Variants in CPEB3 observed in about 807,000 individuals in gnomAD.
The protein encoded by CPEB3 is cytoplasmic polyadenylation element binding protein 3.
In CPEB3, 20 loss-of-function variants were observed where a neutral mutation model predicts 67.2. The ratio of observed to expected loss-of-function variants is 0.30; its 90% CI spans 0.21 to 0.43. The LOEUF (loss-of-function observed/expected upper bound fraction) is 0.43, where lower values mean the gene tolerates loss of function less well. Among genes scored for constraint, CPEB3 ranks in the 20% least tolerant of loss-of-function variants. The probability of loss-of-function intolerance (pLI) is 1.00; values close to 1 mark genes in which losing one functional copy is unlikely to be tolerated. For synonymous variants in CPEB3, 376 were observed against 393.1 expected (o/e 0.96, Z 0.51); for missense variants, 746 against 968.6 (o/e 0.77, Z 3.05).
chr10:92,159,651 G>A (rs1391725524), intron 4 of CPEB3, among the ~76,000 whole-genome samples: 1 of 151,972 alleles, frequency 6.6e-6, no homozygotes, highest in African/African-American at 2.4e-5. Context: ...CAGCCTGGGT[G>A]ACAGAGCGAG....
At chr10:92,157,512 T>G (rs1358498133) in intron 4 of CPEB3, among the ~76,000 whole-genome samples, 1 of 152,224 alleles carries the variant, frequency 6.6e-6, no homozygotes, top group Non-Finnish European at 1.5e-5. Flanking sequence ...AAGCCTATTT[T>G]GGGGACCCTC....
At chr10:92,260,337 G>C (rs1852734759) in intron 1 of CPEB3, among the ~76,000 whole-genome samples, 1 of 151,984 alleles carries the variant, frequency 6.6e-6, no homozygotes, top group African/African-American at 2.4e-5. Flanking sequence ...GATCACCTGA[G>C]GTCAGGAGCT....
At chr10:92,288,514 G>C (rs1162984498) in intron 1 of CPEB3, among the ~76,000 whole-genome samples, 1 of 149,868 alleles carries the variant, frequency 6.7e-6, no homozygotes, top group Admixed American at 6.7e-5. Context: ...ACAAGATTTT[G>C]TGTAGACATG....
intron 4 of CPEB3, among the ~76,000 whole-genome samples, chr10:92,164,068 TA>T (rs1289494541): frequency 6.6e-6 from 1 of 152,210 alleles, no homozygotes; most frequent in Admixed American, 6.5e-5. Flanking sequence ...GGATATTTTA[TA>T]AAGGAGAATG....
At chr10:92,257,729 T>A (rs1036975695) in intron 1 of CPEB3, among the ~76,000 whole-genome samples, 10 of 63,050 alleles carry the variant, frequency 1.6e-4, no homozygotes, top group African/African-American at 9.1e-4. Context: ...ACCTCAACTC[T>A]TTTTTTTTTT....
At chr10:92,289,732 A>AAAAAAAAAAAAAAAAAATATATATAT in intron 1 of CPEB3, among the ~76,000 whole-genome samples, 1 of 75,772 alleles carries the variant, frequency 1.3e-5, no homozygotes, top group Non-Finnish European at 2.6e-5. Flanking sequence ...AAAAAAAAAA[A>AAAAAAAAAAAAAAAAAATATATATAT]ATATATATAT....
chr10:92,216,511 T>G lies in CPEB3; in HGVS notation c.1005+22835A>C, dbSNP rs61736268. On this transcript the variant is annotated intron_variant, in intron 2 of 9. Transcript: ENST00000265997. ...AGAAAGCGGTGAAGCAGAAGCAGAT[T>G]CGGCGCGGGGTGAAAGAGGTTCAGA... 6.8e-6 allele frequency: 11 copies of G among 1,612,858 alleles called. No individual in the cohort carries two copies. In the East Asian group the frequency reaches 8.9e-5, roughly 13 times the overall value.
chr10:92,077,044 C>G (rs1842964072), intron 9 of CPEB3, among the ~76,000 whole-genome samples: 1 of 152,054 alleles, frequency 6.6e-6, no homozygotes, highest in Non-Finnish European at 1.5e-5. Context: ...TATGAGACTA[C>G]TACTAAAAAC....
intron 1 of CPEB3, among the ~76,000 whole-genome samples, chr10:92,267,530 A>G (rs1853113767): frequency 1.3e-5 from 2 of 152,172 alleles, no homozygotes; most frequent in African/African-American, 4.8e-5. Flanking sequence ...AATCCCCTGG[A>G]GAGTTGTAAG....
intron 1 of CPEB3, among the ~76,000 whole-genome samples, chr10:92,241,766 T>G (rs1851862066): frequency 6.6e-6 from 1 of 152,198 alleles, no homozygotes; most frequent in Non-Finnish European, 1.5e-5. Flanking sequence ...GTTAATTGCT[T>G]TAAATATATA....
intron 6 of CPEB3, among the ~76,000 whole-genome samples, chr10:92,133,631 T>C (rs1365865053): frequency 6.6e-6 from 1 of 152,068 alleles, no homozygotes; most frequent in African/African-American, 2.4e-5. Context: ...TTCCAATCAA[T>C]AGAAAAAGAG....
intron 4 of CPEB3, among the ~76,000 whole-genome samples, chr10:92,145,935 A>G (rs890576120): frequency 2.0e-5 from 3 of 152,182 alleles, no homozygotes; most frequent in Admixed American, 6.5e-5. Flanking sequence ...AAGATCATCA[A>G]GTTTTCCTTG....
chr10:92,160,526 C>T (rs1847423171), intron 4 of CPEB3, among the ~76,000 whole-genome samples: 3 of 152,124 alleles, frequency 2.0e-5, no homozygotes, highest in Admixed American at 1.3e-4. Context: ...CCCTTCTTCC[C>T]ATCCCCAATG....
intron 7 of CPEB3, among the ~76,000 whole-genome samples, chr10:92,107,929 ACCTG>A: frequency 6.6e-6 from 1 of 152,260 alleles, no homozygotes; most frequent in Admixed American, 6.5e-5. Context: ...CCCTAACACA[ACCTG>A]AAATCCACAA....
intron 7 of CPEB3, among the ~76,000 whole-genome samples, chr10:92,101,701 GT>G (rs1844196694): frequency 6.6e-6 from 1 of 152,196 alleles, no homozygotes; most frequent in African/African-American, 2.4e-5. Context: ...GAGGTCAGGA[GT>G]TCGAGACCAG....
At chr10:92,080,914 A>T (rs1265732505) in intron 9 of CPEB3, among the ~76,000 whole-genome samples, 1 of 152,032 alleles carries the variant, frequency 6.6e-6, no homozygotes, top group Non-Finnish European at 1.5e-5. Context: ...GCAATTTTCA[A>T]ACCAGAAGTT....
At chr10:92,252,673 A>G (rs1852349096) in intron 1 of CPEB3, among the ~76,000 whole-genome samples, 1 of 151,938 alleles carries the variant, frequency 6.6e-6, no homozygotes, top group African/African-American at 2.4e-5. Flanking sequence ...GCCTGCCACC[A>G]TGCCTGGCTA....
At chr10:92,095,190 G>A in intron 7 of CPEB3, among the ~76,000 whole-genome samples, 1 of 151,940 alleles carries the variant, frequency 6.6e-6, no homozygotes, top group Admixed American at 6.6e-5. Context: ...TCATCACATT[G>A]CACACAACCC....
intron 1 of CPEB3, among the ~76,000 whole-genome samples, chr10:92,275,827 T>C (rs1841951642): frequency 4.0e-5 from 6 of 151,238 alleles, no homozygotes; most frequent in Admixed American, 3.3e-4. Context: ...ATAGCATGTA[T>C]CAGTACTTCA....
Sources: gnomAD v4.1 joint callset for allele counts (sites outside exome capture counted in the v4.1 genomes callset) on GRCh38, gnomAD v4.1.1 for gene constraint, MANE v1.5 for transcripts, NCBI Gene and HGNC (gene_info 2026-07-23, HGNC 2026-07-21) for gene names.